CYP4F8: variants seen among roughly 807,000 people sequenced by gnomAD.
CYP4F8 encodes the protein cytochrome P450 4F8.
Under a neutral mutation model 55.0 loss-of-function variants are expected in CYP4F8, and 56 were observed. The observed-to-expected ratio is 1.02, with a 90% confidence interval of 0.82 to 1.27. The LOEUF (loss-of-function observed/expected upper bound fraction) is 1.27. Ranked by LOEUF, CYP4F8 falls within the 50% of genes most tolerant of loss-of-function variation. CYP4F8 has a pLI of 0.00. For synonymous variants in CYP4F8, 288 were observed against 267.3 expected, an observed-to-expected ratio of 1.08 and a Z score of -0.76; for missense variants, 680 against 682.4, an observed-to-expected ratio of 1.00 and a Z score of 0.04.
At position 15,619,714 on chromosome 19, in the gene CYP4F8, C is replaced by T. The variant is rs267605319; in HGVS notation, c.477C>T (p.Ile159=). The change falls in exon 5 of 13, where the codon ATC becomes ATT. Residue 159 remains isoleucine, a synonymous_variant. Transcript: ENST00000612078. Reference sequence around the variant, plus strand: ...TGACGCCTGCCTTCCATTTCAACATCCTGAAGCCCTATATAAAGATTTTCA... The same window carrying T: ...TGACGCCTGCCTTCCATTTCAACATTCTGAAGCCCTATATAAAGATTTTCA... ...RLLTPAFHFN[I]LKPYIKIFSK... 6 of 1,611,170 alleles carry T rather than the reference C, an allele frequency of 3.7e-6. No homozygotes were observed. Among genetic ancestry groups the T allele is most frequent in the Non-Finnish European group, 4.2e-6 (5 of 1,178,608 alleles).
At chr19:15,617,007 G>A (rs1972131152) in intron 2 of CYP4F8, among the ~76,000 whole-genome samples, 1 of 152,194 alleles carries the variant, frequency 6.6e-6, no homozygotes, top group Admixed American at 6.5e-5. Context: ...TCCCCTGGGG[G>A]CTGCTGAGAA....
chr19:15,623,236 G>T lies in CYP4F8; in HGVS notation c.779G>T (p.Cys260Phe). ...TGTGGACGGCGCTTCCACAGGGCCT[G>T]CAGACTGGTGCACGACTTCACAGAT... The part of the protein sequence containing the change: ...TPCGRRFHRA[C>F]RLVHDFTDAV... Residue 260 changes from cysteine (C) to phenylalanine (F), a missense_variant, in exon 7 of 13, where the codon TGC (cysteine) becomes TTC (phenylalanine). By Grantham distance (205) the Cys-to-Phe change is radical. Transcript: ENST00000612078. The T allele has an allele frequency of 6.2e-7, 1 of 1,614,050 alleles. No individual in the cohort carries two copies. Among genetic ancestry groups the T allele is most frequent in the Non-Finnish European group, 8.5e-7 (1 of 1,180,020 alleles).
chr19:15,620,476 G>A (rs562769905), intron 5 of CYP4F8, among the ~76,000 whole-genome samples: 1 of 152,208 alleles, frequency 6.6e-6, no homozygotes, highest in Non-Finnish European at 1.5e-5. Flanking sequence ...TTGGCTCTCT[G>A]CAACCCCCGC....
chr19:15,615,475 C>T (rs193282329), intron 1 of CYP4F8, 141 bp from the exon 2 acceptor site: 15 of 919,954 alleles, frequency 1.6e-5, no homozygotes, highest in African/African-American at 3.4e-5. Flanking sequence ...TCTCCTCTCC[C>T]CTCTCCCTTG....
chr19:15,616,472 T>C (rs900523032), intron 2 of CYP4F8, among the ~76,000 whole-genome samples: 1 of 152,110 alleles, frequency 6.6e-6, no homozygotes, highest in Non-Finnish European at 1.5e-5. Flanking sequence ...ACGCAGCAGG[T>C]ATTCACCATT....
At chr19:15,618,263 C>T (rs1175594845) in intron 3 of CYP4F8, 119 bp downstream of exon 3, 2 of 1,456,536 alleles carry the variant, frequency 1.4e-6, no homozygotes, top group Middle Eastern at 1.7e-4. Flanking sequence ...CTGCTTCTCT[C>T]TCAGCCACCT....
intron 4 of CYP4F8, 32 bp from the exon 5 acceptor site, chr19:15,619,603 C>T (rs1972167309): frequency 1.9e-6 from 3 of 1,614,158 alleles, no homozygotes; most frequent in Non-Finnish European, 2.5e-6. Context: ...GAAGATTCTG[C>T]CCTTGCCCAC....
intron 7 of CYP4F8, 92 bp downstream of exon 7, chr19:15,623,467 A>G: frequency 6.4e-7 from 1 of 1,554,160 alleles, no homozygotes; most frequent in Non-Finnish European, 8.7e-7. Flanking sequence ...AGAGGGCACT[A>G]AGGAGCCATG....
intron 5 of CYP4F8, among the ~76,000 whole-genome samples, chr19:15,621,297 A>G (rs1188428201): frequency 6.6e-6 from 1 of 152,078 alleles, no homozygotes; most frequent in East Asian, 1.9e-4. Context: ...ATCCCAGCAC[A>G]TTGGTATCAC....
Position 15,618,063 on chromosome 19 carries a change from T to C in CYP4F8, c.262T>C (p.Phe88Leu). ...TQLVATYPQG[F>L]VRWLGPITPI... is the part of the protein sequence containing the mutation. ...GCTGGTGGCCACCTACCCCCAGGGC[T>C]TTGTGAGGTGGTTGGGCCCCATCAC... The change falls in exon 3 of 13, where the codon TTT (phenylalanine) becomes CTT (leucine). Residue 88 changes from phenylalanine to leucine, a missense_variant. Phe to Leu is a conservative substitution (Grantham distance 22). Transcript: ENST00000612078. 6.2e-7 allele frequency: 1 copy of C among 1,614,116 alleles called. No homozygotes were observed. Among genetic ancestry groups the C allele is most frequent in the Non-Finnish European group, 8.5e-7 (1 of 1,179,984 alleles).
intron 5 of CYP4F8, among the ~76,000 whole-genome samples, chr19:15,620,445 C>T (rs1285234041): frequency 1.3e-5 from 2 of 152,116 alleles, no homozygotes; most frequent in Admixed American, 1.3e-4. Flanking sequence ...GTCTCCCAGG[C>T]TGGAGTGCAG....
In CYP4F8 at chr19:15,620,645, G is replaced by A. The variant is rs1016957086; in HGVS notation, c.525+883G>A. On this transcript the variant is annotated intron_variant, in intron 5 of 12. Transcript: ENST00000612078. ...GACGTCAAGTGATCTGCCCTCCTCG[G>A]CCTCACAAAATGCTGGAATTACAGG... Among the ~76,000 whole-genome samples, 12 of 152,196 alleles carry A rather than the reference G, an allele frequency of 7.9e-5. No individual in the cohort carries two copies. The South Asian group carries it at 2.5e-3, about 32-fold the overall frequency.
chr19:15,623,607 G>A (rs753667054), intron 7 of CYP4F8, 92 bp from the exon 8 acceptor site: 2 of 1,447,624 alleles, frequency 1.4e-6, no homozygotes, highest in African/African-American at 3.0e-5. Context: ...TGACAAGGGA[G>A]GGATCCTTCT....
Position 15,629,249 on chromosome 19 carries a change from C to T in CYP4F8, c.1454C>T (p.Thr485Met), listed in dbSNP as rs781615735. The change falls in exon 13 of 13, where the codon ACG (threonine) becomes ATG (methionine). Residue 485 changes from threonine (T) to methionine (M), a missense_variant. Physicochemically the swap from Thr to Met is moderately conservative, Grantham distance 81. Coordinates refer to ENST00000612078, the MANE Select transcript of CYP4F8 (RefSeq NM_007253.4). ...MAEMKVVLAL[T>M]LLRFRILPDH... ...GAGATGAAGGTGGTCCTGGCGCTCA[C>T]GCTGCTGCGCTTCCGCATCCTGCCC... The T allele has an allele frequency of 6.2e-7, 1 of 1,613,230 alleles. No individual in the cohort carries two copies. Among genetic ancestry groups the T allele is most frequent in the African/African-American group, 1.3e-5 (1 of 74,910 alleles).
chr19:15,628,894 G>A, intron 12 of CYP4F8, 51 bp downstream of exon 12: 1 of 1,521,362 alleles, frequency 6.6e-7, no homozygotes, highest in Non-Finnish European at 8.8e-7. Flanking sequence ...TGGCACAGAT[G>A]GCTGCCTTGT....
intron 9 of CYP4F8, chr19:15,627,842 T>C (rs2144612243): frequency 1.2e-5 from 2 of 160,858 alleles, no homozygotes; most frequent in East Asian, 1.9e-4. Flanking sequence ...CACTGCAACC[T>C]CTGCCTCTCA....
Position 15,629,334 on chromosome 19 carries a change from G to A in CYP4F8, c.1539G>A (p.Trp513Ter). 1.2e-6 allele frequency: 2 copies of A among 1,611,464 alleles called. No individual in the cohort carries two copies. The highest frequency in any genetic ancestry group is 1.7e-6 in the Non-Finnish European group (2 of 1,178,666). ...TTTTGCGTGCGGAGGACGGACTTTG[G>A]CTGCGAGTAGAACCCCTGGGCTGAG... Reference protein sequence around the residue: ...EIVLRAEDGLWLRVEPLG With the variant: ...EIVLRAEDGL Residue 513 changes from tryptophan (W) to a stop codon, truncating the protein, a stop_gained, in exon 13 of 13, where the codon TGG (tryptophan) becomes TGA (stop). Transcript: ENST00000612078. LOFTEE classifies it high-confidence loss of function.
At chr19:15,628,926 C>A in intron 12 of CYP4F8, 83 bp downstream of exon 12, 1 of 1,434,462 alleles carries the variant, frequency 7.0e-7, no homozygotes, top group Non-Finnish European at 9.4e-7. Context: ...CTTGTAGGAC[C>A]ACGTGTTTCT....
chr19:15,623,577 T>G, intron 7 of CYP4F8, 122 bp from the exon 8 acceptor site: 1 of 992,294 alleles, frequency 1.0e-6, no homozygotes, highest in Non-Finnish European at 1.4e-6. Context: ...GAAGGAAGCA[T>G]GTGGGGGTAG....
Sources: allele counts gnomAD v4.1 joint callset (sites outside exome capture counted in the v4.1 genomes callset), GRCh38; gene constraint gnomAD v4.1.1; transcripts MANE v1.5; gene names NCBI Gene and HGNC (gene_info 2026-07-23, HGNC 2026-07-21).